The following DAP3 variants were observed in gnomAD, a reference collection of about 807,000 sequenced individuals.
The protein encoded by DAP3 is death associated protein 3, also known as small ribosomal subunit protein mS29.
Under a neutral mutation model 51.9 loss-of-function variants are expected in DAP3, and 28 were observed. The ratio of observed to expected loss-of-function variants is 0.54; its 90% CI spans 0.40 to 0.74. The LOEUF (loss-of-function observed/expected upper bound fraction) is 0.74, where lower values mean the gene tolerates loss of function less well. Among genes scored for constraint, DAP3 ranks in the 30% least tolerant of loss-of-function variants. The pLI, the probability that DAP3 is intolerant of heterozygous loss-of-function variation, is 0.00. For synonymous variants in DAP3, 170 were observed against 170.3 expected, an observed-to-expected ratio of 1.00 and a Z score of 0.01; for missense variants, 458 against 483.5, an observed-to-expected ratio of 0.95 and a Z score of 0.49.
rs752327968 is a variant in DAP3 at position 155,717,077 on chromosome 1, G to T, written c.117G>T (p.Gln39His). ...RQSIAAHLDN[Q>H]VPVESPRAIS... ...GCATTGCTGCTCACCTAGATAACCA[G>T]GTTCCAGTTGAGAGTCCGAGAGCTA... The change falls in exon 3 of 13, where the codon CAG becomes CAT. Residue 39 changes from glutamine (Q) to histidine (H), a missense_variant. Coordinates refer to ENST00000368336, the MANE Select transcript of DAP3 (RefSeq NM_004632.4). 6.2e-7 allele frequency: 1 copy of T among 1,614,054 alleles called. No individual in the cohort carries two copies. Among genetic ancestry groups the T allele is most frequent in the Non-Finnish European group, 8.5e-7 (1 of 1,180,014 alleles).
intron 1 of DAP3, among the ~76,000 whole-genome samples, chr1:155,693,485 T>C (rs1654127237): frequency 7.0e-6 from 1 of 141,900 alleles, no homozygotes; most frequent in Non-Finnish European, 1.5e-5. Context: ...TTGGTTGAAA[T>C]TATGGGAAAC....
Position 155,726,039 on chromosome 1 carries a change from T to C in DAP3, c.472+20T>C. On this transcript the variant is annotated intron_variant, in intron 6 of 12. Coordinates refer to ENST00000368336, the MANE Select transcript of DAP3 (RefSeq NM_004632.4). ...CAGATGGTAAGAACTTCCTGTTGTT[T>C]CTTCTGTCTGTTAGGTTTAGTTATC... is the stretch of plus-strand genomic sequence containing the variant. 6.2e-7 allele frequency: 1 copy of C among 1,601,950 alleles called. No homozygotes were observed.
chr1:155,688,885 G>A, upstream of DAP3: 2 of 1,611,442 alleles, frequency 1.2e-6, no homozygotes, highest in Non-Finnish European at 1.7e-6. Context: ...CTTGCCGTTT[G>A]ACTGGAATTG....
intron 11 of DAP3, among the ~76,000 whole-genome samples, chr1:155,734,072 G>A (rs1341998634): frequency 3.9e-5 from 6 of 152,184 alleles, no homozygotes; most frequent in East Asian, 1.9e-4. Context: ...TGGGAGGATC[G>A]CTTGAGCCCG....
chr1:155,737,131 T>G, intron 12 of DAP3, 68 bp downstream of exon 12: 1 of 1,108,720 alleles, frequency 9.0e-7, no homozygotes, highest in Non-Finnish European at 1.4e-6. Flanking sequence ...GTCAGAGCCT[T>G]GATCTCTTCT....
At chr1:155,714,817 T>C (rs1657136147) in intron 2 of DAP3, among the ~76,000 whole-genome samples, 1 of 152,058 alleles carries the variant, frequency 6.6e-6, no homozygotes, top group African/African-American at 2.4e-5. Context: ...GTAGTGGGAA[T>C]GTTAGACACA....
At chr1:155,736,621 G>C (rs772471679) in intron 11 of DAP3, 71 of 292,962 alleles carry the variant, frequency 2.4e-4, no homozygotes, top group Non-Finnish European at 6.5e-5. Flanking sequence ...TTTACCACAT[G>C]GCCCAGGCTC....
Position 155,738,484 on chromosome 1 carries a change from A to G in DAP3, c.*242A>G. ...TTATTGGATGTGGTTTTTCACATTT[A>G]AGATAATTATGGCTCTTTTCCTAAA... On this transcript the variant is annotated 3_prime_UTR_variant, in exon 13 of 13. Coordinates refer to ENST00000368336, the MANE Select transcript of DAP3 (RefSeq NM_004632.4). The G allele has an allele frequency of 2.3e-6, 1 of 433,044 alleles. No homozygotes were observed. The allele number at this position is 433,044 out of a possible 1,614,324, so 26.8% of individuals were successfully genotyped here. A position where few individuals can be genotyped will look rare whatever the true frequency, so the allele number is the denominator to read the frequency against.
intron 1 of DAP3, among the ~76,000 whole-genome samples, chr1:155,692,084 G>A (rs1015205419): frequency 2.1e-5 from 3 of 141,792 alleles, no homozygotes; most frequent in African/African-American, 9.6e-5. Context: ...TAGCAGTGGC[G>A]GTTTAAGTGA....
chr1:155,729,146 G>A, intron 8 of DAP3, 24 bp downstream of exon 8: 5 of 1,614,142 alleles, frequency 3.1e-6, no homozygotes, highest in African/African-American at 1.3e-5. Context: ...CACTGAATGT[G>A]TAACATGCGA....
In DAP3 at chr1:155,731,347, G is replaced by A. The variant is rs935233126; in HGVS notation, c.844-9G>A. On this transcript the variant is annotated splice_polypyrimidine_tract_variant and intron_variant, in intron 9 of 12. Transcript: ENST00000368336. ...GATGATCTCTTCTCTCTTTCTGTCC[G>A]ATATGCAGATTGCCCCCGAGGAATT... The A allele has an allele frequency of 4.3e-6, 7 of 1,613,516 alleles. No individual in the cohort carries two copies. Among genetic ancestry groups the A allele is most frequent in the Non-Finnish European group, 5.9e-6 (7 of 1,179,652 alleles).
At chr1:155,727,468 CAA>C (rs201880344) in intron 6 of DAP3, 138 bp from the exon 7 acceptor site, 24,802 of 493,298 alleles carry the variant, frequency 0.05, no homozygotes, top group South Asian at 0.074. Context: ...GACCCTGTCT[CAA>C]AAAAAAAAAA....
At chr1:155,688,170 G>A, upstream of DAP3, 1 of 1,614,002 alleles carries the variant, frequency 6.2e-7, no homozygotes. Flanking sequence ...GATCCCTCCC[G>A]CTTGTCAGGA....
At chr1:155,689,064 T>C, upstream of DAP3, 1 of 1,520,162 alleles carries the variant, frequency 6.6e-7, no homozygotes. Context: ...TTGAGTCGTT[T>C]CCTGCCGGAT....
At chr1:155,697,098 CTA>C (rs1654620794) in intron 1 of DAP3, among the ~76,000 whole-genome samples, 1 of 152,146 alleles carries the variant, frequency 6.6e-6, no homozygotes, top group East Asian at 1.9e-4. Context: ...AGTTTTTTAA[CTA>C]TTTCATGGAA....
intron 11 of DAP3, among the ~76,000 whole-genome samples, chr1:155,734,182 T>C (rs1203831950): frequency 6.6e-6 from 1 of 152,120 alleles, no homozygotes; most frequent in Non-Finnish European, 1.5e-5. Flanking sequence ...TCCTTCAAGC[T>C]AACTTCTATA....
chr1:155,716,709 G>A (rs969814286), intron 2 of DAP3, among the ~76,000 whole-genome samples: 8 of 152,148 alleles, frequency 5.3e-5, no homozygotes, highest in Admixed American at 5.2e-4. Flanking sequence ...ATTTTGGGAG[G>A]CAGAGGCGGG....
rs559234648 is a variant in DAP3, at chr1:155,738,313, C to T, written c.*71C>T. The T allele has an allele frequency of 2.8e-5, 43 of 1,551,418 alleles. No individual in the cohort carries two copies. Among genetic ancestry groups the T allele is most frequent in the Admixed American group, 2.4e-4 (14 of 57,312 alleles). Reference sequence around the variant, plus strand: ...GCTGGACCCAGTAAGATGAGGAAGTCGGGCAGTACACAGGAAGAGGAGCCA... The same window carrying T: ...GCTGGACCCAGTAAGATGAGGAAGTTGGGCAGTACACAGGAAGAGGAGCCA... On this transcript the variant is annotated 3_prime_UTR_variant, in exon 13 of 13. Coordinates refer to ENST00000368336, the MANE Select transcript of DAP3 (RefSeq NM_004632.4).
intron 1 of DAP3, among the ~76,000 whole-genome samples, chr1:155,706,199 G>C (rs1655946113): frequency 6.6e-6 from 1 of 151,972 alleles, no homozygotes; most frequent in Non-Finnish European, 1.5e-5. Context: ...GGAATTGGCG[G>C]TCTTACTATG....
Sources: gnomAD v4.1 joint callset for allele counts (sites outside exome capture counted in the v4.1 genomes callset) on GRCh38, gnomAD v4.1.1 for gene constraint, MANE v1.5 for transcripts, NCBI Gene and HGNC (gene_info 2026-07-23, HGNC 2026-07-21) for gene names.